The following TRIM5 variants were observed in gnomAD, a reference collection of about 807,000 sequenced individuals.
TRIM5 encodes tripartite motif-containing protein 5.
A neutral mutation model predicts 35.6 loss-of-function variants in TRIM5; 31 were observed. That is an observed-to-expected ratio of 0.87 (90% CI 0.65 to 1.18). The LOEUF (loss-of-function observed/expected upper bound fraction) is 1.18, where lower values mean the gene tolerates loss of function less well. Among genes scored for constraint, TRIM5 ranks in the 50% most tolerant of loss-of-function variants. The pLI, the probability that TRIM5 is intolerant of heterozygous loss-of-function variation, is 0.00. For synonymous variants in TRIM5, 243 were observed against 215.6 expected (o/e 1.13, Z -1.11); for missense variants, 609 against 591.6 (o/e 1.03, Z -0.31).
chr11:5,649,495 G>C, the TRIM5 span, among the ~76,000 whole-genome samples: 17 of 152,120 alleles, frequency 1.1e-4, no homozygotes, highest in Admixed American at 1.3e-4. Flanking sequence ...CTACATTGTG[G>C]AGTAGTTGTT....
At chr11:5,643,532 C>G in the TRIM5 span, 5 of 1,614,178 alleles carry the variant, frequency 3.1e-6, no homozygotes, top group Non-Finnish European at 4.2e-6. Context: ...CTGTGCCTCC[C>G]TGCCGTGTTG....
the TRIM5 span, among the ~76,000 whole-genome samples, chr11:5,638,101 C>T: frequency 6.6e-6 from 1 of 152,184 alleles, no homozygotes; most frequent in Admixed American, 6.5e-5. Context: ...TCCCTACCAG[C>T]CACACAGTGA....
Position 5,680,025 on chromosome 11 carries a change from T to C in TRIM5, c.153A>G (p.Gly51=). 1 of 1,614,170 alleles carries C rather than the reference T, an allele frequency of 6.2e-7. No individual in the cohort carries two copies. The highest frequency in any genetic ancestry group is 1.3e-5 in the African/African-American group (1 of 75,046). The change falls in exon 2 of 8, where the codon GGA becomes GGG. Residue 51 remains glycine, a synonymous_variant. Transcript: ENST00000380034. ...TCCGGCACACAGGGCAGCTACTCTC[T>C]CCTTTGTCTAGCATGGACTTCTTGT... ...ANHKKSMLDK[G]ESSCPVCRIS...
At chr11:5,596,907 T>TACAA in the TRIM5 span, 1 of 1,614,052 alleles carries the variant, frequency 6.2e-7, no homozygotes, top group African/African-American at 1.3e-5. Flanking sequence ...GATGTGCGGG[T>TACAA]CAGAGAGGTA....
At chr11:5,676,372 T>G (rs1851981214) in intron 4 of TRIM5, among the ~76,000 whole-genome samples, 1 of 151,984 alleles carries the variant, frequency 6.6e-6, no homozygotes, top group Admixed American at 6.6e-5. Context: ...TCAAAGAGAA[T>G]AAAATACCTA....
chr11:5,669,415 C>G (rs1241251827), intron 4 of TRIM5, among the ~76,000 whole-genome samples: 1 of 152,166 alleles, frequency 6.6e-6, no homozygotes, highest in Non-Finnish European at 1.5e-5. Flanking sequence ...TAATCTACTC[C>G]TCTTTATCAC....
chr11:5,609,910 G>T, the TRIM5 span, among the ~76,000 whole-genome samples: 9,488 of 151,920 alleles, frequency 0.062, 390 homozygotes, highest in Non-Finnish European at 0.09. Context: ...GTGACAGAGC[G>T]AGACTCCTTC....
Position 5,663,281 on chromosome 11 carries a change from T to A in TRIM5, c.*1528A>T, listed in dbSNP as rs1056973113. The A allele has an allele frequency of 1.1e-6, 1 of 950,812 alleles. No individual in the cohort carries two copies. The highest frequency in any genetic ancestry group is 1.8e-5 in the African/African-American group (1 of 56,568). The allele number at this position is 950,812 out of a possible 1,614,324, so 58.9% of individuals were successfully genotyped here. ...ATTTTATTATAATTATTTTTTACAA[T>A]TAATAAACTGATTCCCACATAATTC... On this transcript the variant is annotated 3_prime_UTR_variant, in exon 8 of 8. Transcript: ENST00000380034.
chr11:5,602,223 G>A, the TRIM5 span, among the ~76,000 whole-genome samples: 17 of 151,988 alleles, frequency 1.1e-4, no homozygotes, highest in South Asian at 6.2e-4. Flanking sequence ...GGCGGATCAT[G>A]AGGTCAGGAG....
the TRIM5 span, chr11:5,643,356 C>T: frequency 3.1e-5 from 50 of 1,613,822 alleles, no homozygotes; most frequent in Non-Finnish European, 4.0e-5. Flanking sequence ...AACATATTCC[C>T]GCCATATGAA....
At chr11:5,643,126 T>TGTATATA in the TRIM5 span, 5 of 1,115,534 alleles carry the variant, frequency 4.5e-6, 1 homozygote, top group South Asian at 6.1e-5. Context: ...TATATATATA[T>TGTATATA]TTTTTTTTTT....
At position 5,663,487 on chromosome 11, in the gene TRIM5, G is replaced by A. The variant is rs1252185013; in HGVS notation, c.*1322C>T. On this transcript the variant is annotated 3_prime_UTR_variant, in exon 8 of 8. Coordinates refer to ENST00000380034, the MANE Select transcript of TRIM5 (RefSeq NM_033034.3). ...TCCCTGAAGGCACAACCTGTTCCAT[G>A]AGACATTAACAGAGTTTATGTTTTT... 8 of 985,154 alleles carry A rather than the reference G, an allele frequency of 8.1e-6. No individual in the cohort carries two copies. The highest frequency in any genetic ancestry group is 8.4e-6 in the Non-Finnish European group (7 of 829,806). 61.0% of individuals were successfully genotyped at this position (985,154 alleles called of 1,614,324 possible).
the TRIM5 span, chr11:5,610,097 G>A: frequency 6.2e-7 from 1 of 1,604,484 alleles, no homozygotes; most frequent in Non-Finnish European, 8.5e-7. Context: ...GGTGGTGGAG[G>A]AACCCACAGT....
the TRIM5 span, chr11:5,645,731 G>C: frequency 1.1e-5 from 2 of 190,242 alleles, no homozygotes; most frequent in Admixed American, 1.2e-4. Context: ...TTTGATGAGG[G>C]TCAAGTCTAG....
chr11:5,628,051 C>T, the TRIM5 span, among the ~76,000 whole-genome samples: 1 of 152,212 alleles, frequency 6.6e-6, no homozygotes, highest in Non-Finnish European at 1.5e-5. Context: ...CCCTTCTCTA[C>T]CTCCCTGACT....
the TRIM5 span, among the ~76,000 whole-genome samples, chr11:5,655,329 A>G: frequency 6.6e-6 from 1 of 152,294 alleles, no homozygotes; most frequent in East Asian, 1.9e-4. Flanking sequence ...TCCCAGAATA[A>G]TATTTATCTA....
the TRIM5 span, chr11:5,632,243 C>A: frequency 6.3e-7 from 1 of 1,584,002 alleles, no homozygotes; most frequent in Non-Finnish European, 8.6e-7. Flanking sequence ...CATCCCCTTT[C>A]AATCTTCTCA....
chr11:5,601,780 C>T, the TRIM5 span, among the ~76,000 whole-genome samples: 1 of 152,016 alleles, frequency 6.6e-6, no homozygotes, highest in African/African-American at 2.4e-5. Flanking sequence ...AAAATTACCA[C>T]CCCTTATTGT....
At chr11:5,637,042 G>T in the TRIM5 span, among the ~76,000 whole-genome samples, 1 of 152,172 alleles carries the variant, frequency 6.6e-6, no homozygotes, top group African/African-American at 2.4e-5. Context: ...TGGTGATGGC[G>T]GCTGCCTGTA....
Sources: gnomAD v4.1 joint callset for allele counts (sites outside exome capture counted in the v4.1 genomes callset) on GRCh38, gnomAD v4.1.1 for gene constraint, MANE v1.5 for transcripts, NCBI Gene and HGNC (gene_info 2026-07-23, HGNC 2026-07-21) for gene names.